EMC2: variants seen among roughly 807,000 people sequenced by gnomAD.
The protein encoded by EMC2 is TPR repeat protein 35.
In EMC2, 37 loss-of-function variants were observed where a neutral mutation model predicts 51.6. The observed-to-expected ratio is 0.72, with a 90% confidence interval of 0.55 to 0.94. The LOEUF is 0.94. Among genes scored for constraint, EMC2 ranks in the 40% least tolerant of loss-of-function variants. EMC2 has a pLI of 0.00. For synonymous variants in EMC2, 131 were observed against 112.4 expected (o/e 1.17, Z -1.04); for missense variants, 359 against 350.9 (o/e 1.02, Z -0.18).
intron 9 of EMC2, among the ~76,000 whole-genome samples, chr8:108,477,737 G>A (rs573611465): frequency 6.6e-6 from 1 of 152,142 alleles, no homozygotes; most frequent in South Asian, 2.1e-4. Flanking sequence ...TATAGTAGAA[G>A]TATCTCTGTA....
At chr8:108,463,209 A>G (rs1477663053) in intron 5 of EMC2, among the ~76,000 whole-genome samples, 1 of 152,190 alleles carries the variant, frequency 6.6e-6, no homozygotes, top group Admixed American at 6.5e-5. Context: ...ATCATCAGTT[A>G]GTTTTAGAGA....
intron 10 of EMC2, among the ~76,000 whole-genome samples, chr8:108,484,289 T>G (rs1420823511): frequency 6.6e-6 from 1 of 152,122 alleles, no homozygotes; most frequent in African/African-American, 2.4e-5. Flanking sequence ...TGATTCTGAC[T>G]TAATCAGTTA....
rs543480166 is a variant in EMC2 at position 108,484,705 on chromosome 8, C to A, written c.808-1807C>A. 3.3e-5 allele frequency among the ~76,000 whole-genome samples: 5 copies of A among 151,822 alleles called. No homozygotes were observed. In the South Asian group the frequency reaches 1.0e-3, roughly 32 times the overall value. ...ATAAAACTTTTTCTCAGAATTAGAC[C>A]TTTAAGTATCTGATTAGGACCGTTC... On this transcript the variant is annotated intron_variant, in intron 10 of 10. Coordinates refer to ENST00000220853, the MANE Select transcript of EMC2 (RefSeq NM_014673.5).
rs1811151735 is a variant in EMC2, at chr8:108,486,846, T to C, written c.*248T>C. The C allele has an allele frequency of 6.6e-6, 2 of 304,990 alleles. No homozygotes were observed. The highest frequency in any genetic ancestry group is 1.2e-5 in the Non-Finnish European group (2 of 168,070). The allele number at this position is 304,990 out of a possible 1,614,324, so 18.9% of individuals were successfully genotyped here. A position where few individuals can be genotyped will look rare whatever the true frequency, so the allele number is the denominator to read the frequency against. On this transcript the variant is annotated 3_prime_UTR_variant, in exon 11 of 11. Transcript: ENST00000220853. The stretch of plus-strand genomic sequence containing the variant: ...TACATCAGTCTCTTCATATCACATA[T>C]ACATGTATATATATAAAACTCTAAT...
At chr8:108,473,917 A>T (rs1166223328) in intron 7 of EMC2, 1 of 152,030 alleles carries the variant, frequency 6.6e-6, no homozygotes, top group Non-Finnish European at 1.5e-5. Flanking sequence ...TAACTTCTCT[A>T]TGCACCTAGA....
chr8:108,479,947 C>T (rs552628496), intron 10 of EMC2, among the ~76,000 whole-genome samples: 41 of 152,090 alleles, frequency 2.7e-4, no homozygotes, highest in Non-Finnish European at 4.6e-4. Context: ...AATATGATGC[C>T]GTCTTGACTT....
intron 10 of EMC2, among the ~76,000 whole-genome samples, chr8:108,485,176 G>C (rs1811111204): frequency 6.6e-6 from 1 of 151,616 alleles, no homozygotes; most frequent in South Asian, 2.1e-4. Context: ...ACCTGTGTTT[G>C]ATCACTTAAT....
intron 5 of EMC2, among the ~76,000 whole-genome samples, chr8:108,457,304 GT>G (rs1819189508): frequency 6.6e-6 from 1 of 150,684 alleles, no homozygotes; most frequent in Non-Finnish European, 1.5e-5. Flanking sequence ...GTGTGTGGGG[GT>G]TTGTGTAGGG....
rs906385096 is a variant in EMC2, at chr8:108,466,932, A to G, written c.364-2894A>G. Among the ~76,000 whole-genome samples the G allele has an allele frequency of 6.6e-5, 10 of 152,156 alleles. No individual in the cohort carries two copies. In the East Asian group the frequency reaches 1.7e-3, roughly 26 times the overall value. The stretch of plus-strand genomic sequence containing the variant: ...TTCACAGTTAGACATTATATGAATA[A>G]GGAGTTGGACAGCTGAGTATTAAGT... On this transcript the variant is annotated intron_variant, in intron 5 of 10. Coordinates refer to ENST00000220853, the MANE Select transcript of EMC2 (RefSeq NM_014673.5).
intron 5 of EMC2, among the ~76,000 whole-genome samples, chr8:108,457,130 A>G (rs551017171): frequency 4.6e-5 from 7 of 152,292 alleles, no homozygotes; most frequent in African/African-American, 1.7e-4. Context: ...CTGATCATAA[A>G]TCCCTTATCT....
chr8:108,451,443 G>T (rs1462144309), intron 3 of EMC2, among the ~76,000 whole-genome samples: 1 of 151,998 alleles, frequency 6.6e-6, no homozygotes, highest in Non-Finnish European at 1.5e-5. Flanking sequence ...GAATTCTTAA[G>T]TACCGCTTCA....
chr8:108,446,275 G>A (rs1304582516), intron 1 of EMC2: 1 of 430,412 alleles, frequency 2.3e-6, no homozygotes, highest in African/African-American at 2.0e-5. Context: ...TATAGTTCCA[G>A]TCATACACTA....
chr8:108,451,922 T>G (rs781643935), intron 3 of EMC2, among the ~76,000 whole-genome samples: 1 of 152,224 alleles, frequency 6.6e-6, no homozygotes, highest in Non-Finnish European at 1.5e-5. Flanking sequence ...ACTTGAATAT[T>G]TTTCTTAGTG....
At chr8:108,460,763 T>C (rs1004841989) in intron 5 of EMC2, among the ~76,000 whole-genome samples, 3 of 152,224 alleles carry the variant, frequency 2.0e-5, no homozygotes, top group Admixed American at 6.5e-5. Context: ...TAAGGGATAC[T>C]CCCTGTAGTA....
chr8:108,479,007 C>T lies in EMC2; in HGVS notation c.704C>T (p.Ser235Leu), dbSNP rs936026766. 10 of 1,541,708 alleles carry T rather than the reference C, an allele frequency of 6.5e-6. No homozygotes were observed. The highest frequency in any genetic ancestry group is 1.4e-5 in the African/African-American group (1 of 71,880). Reference protein sequence around the residue: ...NMRALFGLYMSASHIASNPKA... With the variant: ...NMRALFGLYMLASHIASNPKA... ...TTTGATGTTTTTATTTGTTTTTAGT[C>T]GGCAAGTCATATTGCTTCTAATCCA... Residue 235 changes from serine to leucine, a missense_variant and splice_region_variant, in exon 10 of 11, where the codon TCG becomes TTG. By Grantham distance (145) the Ser-to-Leu change is moderately radical. Coordinates refer to ENST00000220853, the MANE Select transcript of EMC2 (RefSeq NM_014673.5).
chr8:108,446,872 G>A lies in EMC2; in HGVS notation c.41-2951G>A, dbSNP rs145153423. ...AGTGTGGCAGGGTCAGCTATGTAAG[G>A]TGTATAGCTTAAGGTGTTTATAGGT... On this transcript the variant is annotated intron_variant, in intron 1 of 10. Transcript: ENST00000220853. Among the ~76,000 whole-genome samples the A allele has an allele frequency of 6.6e-3, 1,001 of 152,244 alleles. 7 individuals carry two copies. The highest frequency in any genetic ancestry group is 0.02 in the Middle Eastern group (6 of 294).
At chr8:108,467,213 G>A (rs1810743360) in intron 5 of EMC2, among the ~76,000 whole-genome samples, 1 of 152,148 alleles carries the variant, frequency 6.6e-6, no homozygotes, top group African/African-American at 2.4e-5. Flanking sequence ...AAACTAAGAT[G>A]TGCGTTTCTA....
intron 5 of EMC2, among the ~76,000 whole-genome samples, chr8:108,461,798 C>T (rs1372324386): frequency 1.3e-5 from 2 of 151,910 alleles, no homozygotes. Context: ...TTCCTCTATC[C>T]CTGAGCTCAG....
intron 7 of EMC2, among the ~76,000 whole-genome samples, chr8:108,470,489 A>G (rs979084730): frequency 1.3e-5 from 2 of 152,158 alleles, no homozygotes; most frequent in Non-Finnish European, 2.9e-5. Context: ...TACAAAGAGT[A>G]TTATACTCCC....
Sources: gnomAD v4.1 joint callset for allele counts (sites outside exome capture counted in the v4.1 genomes callset) on GRCh38, gnomAD v4.1.1 for gene constraint, MANE v1.5 for transcripts, NCBI Gene and HGNC (gene_info 2026-07-23, HGNC 2026-07-21) for gene names.